Variants in PPP6R3 observed in about 807,000 individuals in gnomAD.
The protein encoded by PPP6R3 is protein phosphatase 6 regulatory subunit 3.
In PPP6R3, 38 loss-of-function variants were observed where a neutral mutation model predicts 110.7. The ratio of observed to expected loss-of-function variants is 0.34; its 90% CI spans 0.26 to 0.45. The LOEUF (loss-of-function observed/expected upper bound fraction) is 0.45, where lower values mean the gene tolerates loss of function less well. Ranked by LOEUF, PPP6R3 falls within the 20% of genes least tolerant of loss-of-function variation. The pLI is 1.00. For missense variants in PPP6R3, 870 were observed against 1,062.4 expected (o/e 0.82, Z 2.52); for synonymous variants, 369 against 373.5 (o/e 0.99, Z 0.14).
intron 22 of PPP6R3, among the ~76,000 whole-genome samples, chr11:68,606,478 GTTT>G (rs11344213): frequency 5.4e-5 from 7 of 129,532 alleles, no homozygotes; most frequent in Non-Finnish European, 6.5e-5. Context: ...AATTTATGTA[GTTT>G]TTTTTTTTTT....
chr11:68,601,863 C>T lies in PPP6R3; in HGVS notation c.2193C>T (p.Ser731=). ...ATCTGAATTTTCTCTTTTTTGAAAGCACAAAAGATTCTTTAAGGAGTAATT... is the reference window on the plus strand; with the variant it reads ...ATCTGAATTTTCTCTTTTTTGAAAGTACAAAAGATTCTTTAAGGAGTAATT... ...ASFSEFTSSL[S]TKDSLRSNSP... is the part of the protein sequence containing the mutation. The change falls in exon 21 of 24, where the codon AGC becomes AGT. Residue 731 remains serine (S), a splice_region_variant and synonymous_variant. Coordinates refer to ENST00000393800, the MANE Select transcript of PPP6R3 (RefSeq NM_001164161.2). 1 of 1,610,102 alleles carries T rather than the reference C, an allele frequency of 6.2e-7. No homozygotes were observed. The highest frequency in any genetic ancestry group is 8.5e-7 in the Non-Finnish European group (1 of 1,177,280).
At chr11:68,559,832 C>T (rs922511347) in intron 8 of PPP6R3, among the ~76,000 whole-genome samples, 1 of 148,308 alleles carries the variant, frequency 6.7e-6, no homozygotes, top group Non-Finnish European at 1.5e-5. Context: ...CCCACCCCAG[C>T]GGTACGGTGC....
At position 68,477,739 on chromosome 11, in the gene PPP6R3, AAAATATAT is replaced by A. The variant is rs1242205303; in HGVS notation, c.-158+16914_-158+16921del. On this transcript the variant is annotated intron_variant, in intron 1 of 23. Transcript: ENST00000393800. ...GAGACATTGTCTCTTAAAAAAAAAA[AAAATATAT>A]ATATATATATATATATATATATATA... 3.5e-4 allele frequency among the ~76,000 whole-genome samples: 28 copies of A among 80,392 alleles called. 1 individual carries two copies. The highest frequency in any genetic ancestry group is 1.2e-3 in the African/African-American group (23 of 19,304). 52.7% of individuals were successfully genotyped at this position (80,392 alleles called of 152,430 possible).
intron 22 of PPP6R3, chr11:68,609,410 T>C: frequency 1.4e-6 from 1 of 719,058 alleles, no homozygotes; most frequent in Middle Eastern, 2.3e-4. Context: ...GTCTTGCTGC[T>C]TTAATGGTGG....
intron 1 of PPP6R3, among the ~76,000 whole-genome samples, chr11:68,509,781 C>T (rs1454737632): frequency 2.3e-5 from 3 of 129,810 alleles, no homozygotes; most frequent in Non-Finnish European, 4.7e-5. Context: ...CGGAGCTTCG[C>T]TCTCGTTGCC....
chr11:68,548,388 G>C (rs1435709956), intron 5 of PPP6R3, among the ~76,000 whole-genome samples, 184 bp downstream of exon 5: 1 of 152,100 alleles, frequency 6.6e-6, no homozygotes, highest in African/African-American at 2.4e-5. Flanking sequence ...AGATTTTGCA[G>C]AACTAGAATT....
At chr11:68,495,438 G>A (rs2099009601) in intron 1 of PPP6R3, among the ~76,000 whole-genome samples, 1 of 152,120 alleles carries the variant, frequency 6.6e-6, no homozygotes, top group East Asian at 1.9e-4. Flanking sequence ...CAATCACTTA[G>A]AATATTTTCA....
intron 2 of PPP6R3, chr11:68,535,372 C>T (rs1268913527): frequency 6.6e-6 from 1 of 152,126 alleles, no homozygotes; most frequent in Non-Finnish European, 1.5e-5. Flanking sequence ...CAAGACAGCC[C>T]TGCCTGCGAC....
At chr11:68,477,009 A>G (rs1020035029) in intron 1 of PPP6R3, among the ~76,000 whole-genome samples, 6 of 151,980 alleles carry the variant, frequency 3.9e-5, no homozygotes, top group African/African-American at 1.4e-4. Context: ...AGCCTAGATG[A>G]CAGAGTAAGA....
chr11:68,535,433 T>A (rs2099264762), intron 2 of PPP6R3: 1 of 152,150 alleles, frequency 6.6e-6, no homozygotes, highest in African/African-American at 2.4e-5. Context: ...TGAACATCAG[T>A]CCTCCACATC....
chr11:68,580,925 C>T (rs1430436257), intron 14 of PPP6R3, among the ~76,000 whole-genome samples: 4 of 151,950 alleles, frequency 2.6e-5, no homozygotes, highest in Non-Finnish European at 5.9e-5. Flanking sequence ...GCACCCGCCA[C>T]CGTGCCCGGC....
intron 21 of PPP6R3, among the ~76,000 whole-genome samples, chr11:68,602,240 C>T (rs972159875): frequency 1.3e-5 from 2 of 152,168 alleles, no homozygotes; most frequent in Non-Finnish European, 1.5e-5. Context: ...CCATAGTACC[C>T]AGGGTGAATA....
rs1223952343 is a variant in PPP6R3 at position 68,614,816 on chromosome 11, C to T, written c.*1699C>T. The T allele has an allele frequency of 5.6e-6, 8 of 1,436,446 alleles. No individual in the cohort carries two copies. Among genetic ancestry groups the T allele is most frequent in the Non-Finnish European group, 4.8e-6 (5 of 1,047,546 alleles). 89.0% of individuals were successfully genotyped at this position (1,436,446 alleles called of 1,614,324 possible). On this transcript the variant is annotated 3_prime_UTR_variant, in exon 24 of 24. Coordinates refer to ENST00000393800, the MANE Select transcript of PPP6R3 (RefSeq NM_001164161.2). Reference sequence around the variant, plus strand: ...GCAGCACCCCCAGAGGACAGGGCTCCTCCTGCTTGCCTCAGGGCTGCCTGA... The same window carrying T: ...GCAGCACCCCCAGAGGACAGGGCTCTTCCTGCTTGCCTCAGGGCTGCCTGA...
intron 1 of PPP6R3, among the ~76,000 whole-genome samples, chr11:68,461,253 C>T (rs939076501): frequency 6.6e-6 from 1 of 151,888 alleles, no homozygotes; most frequent in African/African-American, 2.4e-5. Context: ...TCCCGGGGGC[C>T]TCGGGGAGCG....
intron 1 of PPP6R3, among the ~76,000 whole-genome samples, chr11:68,502,308 T>C (rs1223362261): frequency 6.6e-6 from 1 of 152,248 alleles, no homozygotes; most frequent in Non-Finnish European, 1.5e-5. Flanking sequence ...ACTAAATCTT[T>C]GAAATCCATT....
In PPP6R3 at chr11:68,600,503, A is replaced by G. The variant is rs375755903; in HGVS notation, c.2192+9A>G. 1.9e-6 allele frequency: 3 copies of G among 1,611,776 alleles called. No individual in the cohort carries two copies. The highest frequency in any genetic ancestry group is 2.7e-5 in the African/African-American group (2 of 74,686). On this transcript the variant is annotated intron_variant, in intron 20 of 23. Coordinates refer to ENST00000393800, the MANE Select transcript of PPP6R3 (RefSeq NM_001164161.2). ...TTCACGTCTTCCCTGAGGTGAGCGA[A>G]CATGTGCTGTCTCTACACCCTTCCA...
chr11:68,503,183 C>T (rs2099057117), intron 1 of PPP6R3, among the ~76,000 whole-genome samples: 1 of 152,112 alleles, frequency 6.6e-6, no homozygotes, highest in Admixed American at 6.6e-5. Context: ...ACCTCGTGAT[C>T]CGCCTGCCTC....
chr11:68,541,952 A>G (rs541409167), intron 3 of PPP6R3, among the ~76,000 whole-genome samples: 1 of 152,234 alleles, frequency 6.6e-6, no homozygotes, highest in Admixed American at 6.5e-5. Context: ...AGGCAAGCAG[A>G]GACAACTCTT....
At chr11:68,593,603 T>C (rs761131318) in intron 18 of PPP6R3, among the ~76,000 whole-genome samples, 1 of 151,988 alleles carries the variant, frequency 6.6e-6, no homozygotes, top group African/African-American at 2.4e-5. Context: ...AATCATAAAA[T>C]ACAAAAGAAA....
Sources: allele counts gnomAD v4.1 joint callset (sites outside exome capture counted in the v4.1 genomes callset), GRCh38; gene constraint gnomAD v4.1.1; transcripts MANE v1.5; gene names NCBI Gene and HGNC (gene_info 2026-07-23, HGNC 2026-07-21).